RAVER2: variants seen among roughly 807,000 people sequenced by gnomAD.
The protein encoded by RAVER2 is ribonucleoprotein PTB-binding 2.
In RAVER2, 46 loss-of-function variants were observed where a neutral mutation model predicts 78.1. The ratio of observed to expected loss-of-function variants is 0.59; its 90% CI spans 0.46 to 0.75. RAVER2 has a LOEUF of 0.75. Ranked by LOEUF, RAVER2 falls within the 30% of genes least tolerant of loss-of-function variation. The probability of loss-of-function intolerance (pLI) is 0.00; values close to 1 mark genes in which losing one functional copy is unlikely to be tolerated. For missense variants in RAVER2, 793 were observed against 837.5 expected, an observed-to-expected ratio of 0.95 and a Z score of 0.66; for synonymous variants, 311 against 313.3, an observed-to-expected ratio of 0.99 and a Z score of 0.08.
At chr1:64,804,947 A>T (rs1352229466) in intron 7 of RAVER2, 44 bp from the exon 8 acceptor site, 1 of 1,574,536 alleles carries the variant, frequency 6.4e-7, no homozygotes, top group Admixed American at 1.7e-5. Context: ...TTTTTAGGTT[A>T]TATCTTATGG....
At chr1:64,747,936 A>G (rs1002750663) in intron 1 of RAVER2, among the ~76,000 whole-genome samples, 2 of 151,982 alleles carry the variant, frequency 1.3e-5, no homozygotes, top group Non-Finnish European at 2.9e-5. Context: ...AAACCCAATA[A>G]TTTTTTCTTA....
exon 12 of RAVER2, chr1:64,830,874 A>G (rs757523339): frequency 1.9e-6 from 3 of 1,612,282 alleles, no homozygotes; most frequent in Admixed American, 3.3e-5. Flanking sequence ...GAGGCTCATC[A>G]TATCTCATCT....
rs753375050 is a variant in RAVER2, at chr1:64,755,724, GTTT to G, written c.249+10330_249+10332del. 2.1e-3 allele frequency among the ~76,000 whole-genome samples: 130 copies of G among 60,604 alleles called. 2 individuals are homozygous for G. Among genetic ancestry groups the G allele is most frequent in the East Asian group, 0.016 (31 of 1,968 alleles). 39.8% of individuals were successfully genotyped at this position (60,604 alleles called of 152,430 possible). A position where few individuals can be genotyped will look rare whatever the true frequency, so the allele number is the denominator to read the frequency against. On this transcript the variant is annotated intron_variant, in intron 1 of 11. Transcript: ENST00000294428. ...CATTTCTCTGACTTTATGCTTCATA[GTTT>G]TTTTTTTTTTTTTTTTTTTTTTTTT...
At chr1:64,782,123 C>T (rs937276186) in intron 4 of RAVER2, among the ~76,000 whole-genome samples, 4 of 152,248 alleles carry the variant, frequency 2.6e-5, no homozygotes, top group African/African-American at 7.2e-5. Context: ...AGGCTGATCT[C>T]GAACTCCTGA....
In RAVER2 at chr1:64,812,718, C is replaced by T. The variant is rs1653649865; in HGVS notation, c.1681-20C>T. ...GTGTACCTCTCATTAAGTACTCCCT[C>T]CTTTGTTTTTGTTAAATAGGCTGCC... On this transcript the variant is annotated intron_variant, in intron 9 of 11. Transcript: ENST00000294428. 6.5e-7 allele frequency: 1 copy of T among 1,548,064 alleles called. No homozygotes were observed. The highest frequency in any genetic ancestry group is 8.9e-7 in the Non-Finnish European group (1 of 1,125,750).
intron 5 of RAVER2, among the ~76,000 whole-genome samples, chr1:64,789,848 G>A (rs1652888065): frequency 6.6e-6 from 1 of 152,088 alleles, no homozygotes; most frequent in Admixed American, 6.6e-5. Context: ...TATTAACAAA[G>A]AATTAATACT....
At chr1:64,813,724 A>C (rs1331076105) in intron 10 of RAVER2, among the ~76,000 whole-genome samples, 1 of 151,996 alleles carries the variant, frequency 6.6e-6, no homozygotes, top group East Asian at 1.9e-4. Context: ...AGGCACTTCT[A>C]GTATACCTGT....
chr1:64,758,735 G>A (rs1651921363), intron 1 of RAVER2, among the ~76,000 whole-genome samples: 1 of 152,050 alleles, frequency 6.6e-6, no homozygotes, highest in Non-Finnish European at 1.5e-5. Context: ...TTGGCCTTGG[G>A]AGACCCTAAA....
chr1:64,786,870 A>G (rs572185705), intron 4 of RAVER2, among the ~76,000 whole-genome samples: 1 of 152,308 alleles, frequency 6.6e-6, no homozygotes, highest in South Asian at 2.1e-4. Context: ...AGCACAGGGT[A>G]AATGTTAATA....
chr1:64,745,125 T>C lies in RAVER2; in HGVS notation c.-48T>C. 1 of 1,012,140 alleles carries C rather than the reference T, an allele frequency of 9.9e-7. No homozygotes were observed. The highest frequency in any genetic ancestry group is 1.2e-6 in the Non-Finnish European group (1 of 848,544). 62.7% of individuals were successfully genotyped at this position (1,012,140 alleles called of 1,614,324 possible). A position where few individuals can be genotyped will look rare whatever the true frequency, so the allele number is the denominator to read the frequency against. ...GCCTCCTCCCGCTTTCTCTCTCCGC[T>C]TCCCCTGGAGCCTCCGAGGAGTCCG... On this transcript the variant is annotated 5_prime_UTR_variant, in exon 1 of 12. Transcript: ENST00000294428. The surrounding 1 kb of genome is among the most constrained non-coding windows in gnomAD (Gnocchi z 4.3).
chr1:64,786,536 A>G (rs565799538), intron 4 of RAVER2, among the ~76,000 whole-genome samples: 128 of 152,328 alleles, frequency 8.4e-4, no homozygotes, highest in African/African-American at 3.0e-3. Context: ...CTTGCCTGTA[A>G]TTCCAGCACT....
At chr1:64,764,280 G>T (rs938818095) in intron 1 of RAVER2, among the ~76,000 whole-genome samples, 10 of 151,766 alleles carry the variant, frequency 6.6e-5, no homozygotes, top group African/African-American at 2.2e-4. Flanking sequence ...AGACAGCCCT[G>T]CAGATCATTG....
intron 1 of RAVER2, among the ~76,000 whole-genome samples, chr1:64,758,100 G>A (rs755094994): frequency 6.6e-6 from 1 of 152,086 alleles, no homozygotes; most frequent in Non-Finnish European, 1.5e-5. Flanking sequence ...CACTCTGCTG[G>A]CTTCCTTCAT....
intron 1 of RAVER2, among the ~76,000 whole-genome samples, chr1:64,761,359 C>T (rs1652015799): frequency 6.6e-6 from 1 of 152,106 alleles, no homozygotes; most frequent in Non-Finnish European, 1.5e-5. Context: ...TGGTGTGGGA[C>T]ATCCAAATGC....
chr1:64,823,149 A>G (rs1427006115), intron 11 of RAVER2, among the ~76,000 whole-genome samples: 3 of 152,220 alleles, frequency 2.0e-5, no homozygotes, highest in African/African-American at 7.2e-5. Flanking sequence ...GAATCAACAA[A>G]TTTTGGACTC....
rs1557577345 is a variant in RAVER2 at position 64,745,574 on chromosome 1, G to A, written c.249+153G>A. Among the ~76,000 whole-genome samples the A allele has an allele frequency of 6.6e-6, 1 of 151,656 alleles. No homozygotes were observed. The highest frequency in any genetic ancestry group is 1.5e-5 in the Non-Finnish European group (1 of 67,948). The stretch of plus-strand genomic sequence containing the variant: ...CCCCTCGGTTTGACTGAGTTCTTGG[G>A]GTTTCTAGCCTGCAGACGCCCTGCC... On this transcript the variant is annotated intron_variant, in intron 1 of 11. Transcript: ENST00000294428. This position sits in a 1 kb window ranked among gnomAD's most constrained non-coding sequence, Gnocchi z 4.3.
exon 12 of RAVER2, chr1:64,832,251 T>TAACC (rs1272286362): frequency 2.6e-5 from 4 of 152,668 alleles, no homozygotes; most frequent in African/African-American, 9.6e-5. Context: ...ACAGTATTTA[T>TAACC]AACCATTTTG....
intron 4 of RAVER2, among the ~76,000 whole-genome samples, chr1:64,782,343 G>A (rs1366393065): frequency 1.3e-5 from 2 of 152,184 alleles, no homozygotes; most frequent in Non-Finnish European, 2.9e-5. Flanking sequence ...CTTGGAGATG[G>A]AGACTATACC....
At chr1:64,828,288 A>G (rs563931767) in intron 11 of RAVER2, among the ~76,000 whole-genome samples, 4 of 152,008 alleles carry the variant, frequency 2.6e-5, no homozygotes, top group African/African-American at 9.6e-5. Context: ...CCCTCCTAGG[A>G]TATGAGCTGT....
Sources: allele counts gnomAD v4.1 joint callset (sites outside exome capture counted in the v4.1 genomes callset), GRCh38; gene constraint gnomAD v4.1.1; non-coding constraint Gnocchi (gnomAD v3.1); transcripts MANE v1.5; gene names NCBI Gene and HGNC (gene_info 2026-07-23, HGNC 2026-07-21).